The following ZC3H18 variants were observed in gnomAD, a reference collection of about 807,000 sequenced individuals.
The protein encoded by ZC3H18 is zinc finger CCCH-type containing 18, also known as zinc finger CCCH domain-containing protein 18.
In ZC3H18, 8 loss-of-function variants were observed where a neutral mutation model predicts 106.1. The ratio of observed to expected loss-of-function variants is 0.08; its 90% CI spans 0.04 to 0.14. The LOEUF is 0.14. ZC3H18 is among the 10% of genes least tolerant of loss of function. The probability of loss-of-function intolerance (pLI) is 1.00; values close to 1 mark genes in which losing one functional copy is unlikely to be tolerated. For synonymous variants in ZC3H18, 635 were observed against 522.1 expected (o/e 1.22, Z -2.95); for missense variants, 1,318 against 1,278.4 (o/e 1.03, Z -0.47).
chr16:88,601,459 G>A (rs1026373086), intron 6 of ZC3H18, among the ~76,000 whole-genome samples: 1 of 152,130 alleles, frequency 6.6e-6, no homozygotes, highest in Admixed American at 6.5e-5. Flanking sequence ...TCCCTGGCTG[G>A]AGCAGGGACC....
intron 3 of ZC3H18, among the ~76,000 whole-genome samples, chr16:88,591,276 C>G: frequency 6.7e-6 from 1 of 149,582 alleles, no homozygotes; most frequent in Non-Finnish European, 1.5e-5. Flanking sequence ...GGCCTTCTGT[C>G]TTTTTAAGAC....
intron 1 of ZC3H18, among the ~76,000 whole-genome samples, chr16:88,575,348 T>C (rs949212306): frequency 2.0e-5 from 3 of 152,038 alleles, no homozygotes; most frequent in African/African-American, 4.8e-5. Context: ...CGTAGTTATC[T>C]TGAGATGAAT....
intron 9 of ZC3H18, 182 bp downstream of exon 9, chr16:88,622,570 C>A: frequency 3.0e-6 from 2 of 667,620 alleles, no homozygotes; most frequent in Non-Finnish European, 4.9e-6. Context: ...GCATCAATGC[C>A]AAGTAGGACT....
At chr16:88,604,312 C>G (rs1444854642) in intron 6 of ZC3H18, among the ~76,000 whole-genome samples, 4 of 150,064 alleles carry the variant, frequency 2.7e-5, no homozygotes, top group Non-Finnish European at 4.4e-5. Flanking sequence ...GATCGTGCCA[C>G]TGCACTCCAG....
chr16:88,614,895 C>CCTG (rs1905484974), intron 8 of ZC3H18, among the ~76,000 whole-genome samples: 1 of 152,250 alleles, frequency 6.6e-6, no homozygotes, highest in Non-Finnish European at 1.5e-5. Context: ...TGCACACACC[C>CCTG]CCAGCCGCTC....
intron 5 of ZC3H18, among the ~76,000 whole-genome samples, chr16:88,599,376 C>T (rs894651162): frequency 6.6e-6 from 1 of 152,232 alleles, no homozygotes; most frequent in Non-Finnish European, 1.5e-5. Flanking sequence ...CACCCAGCCC[C>T]ACTTCCTCAT....
rs772821387 is a variant in ZC3H18 at position 88,577,176 on chromosome 16, A to G, written c.53A>G (p.Glu18Gly). The change falls in exon 2 of 18, where the codon GAG becomes GGG. Residue 18 changes from glutamate (E) to glycine (G), a missense_variant. Transcript: ENST00000301011. ...GATCCTCACTCTCCAGAGGATGAAGAGCAGCCACAGGGACTCTCGGACGAT... is the reference window on the plus strand; with the variant it reads ...GATCCTCACTCTCCAGAGGATGAAGGGCAGCCACAGGGACTCTCGGACGAT... ...ERDPHSPEDE[E>G]QPQGLSDDDI... 2 of 1,604,750 alleles carry G rather than the reference A, an allele frequency of 1.2e-6. No homozygotes were observed.
Position 88,577,429 on chromosome 16 carries a change from C to T in ZC3H18, c.306C>T (p.Asp102=), listed in dbSNP as rs1055524638. 21 of 1,606,210 alleles carry T rather than the reference C, an allele frequency of 1.3e-5. No homozygotes were observed. Among genetic ancestry groups the T allele is most frequent in the African/African-American group, 5.4e-5 (4 of 74,646 alleles). Reference sequence around the variant, plus strand: ...GCTCCCCCTGCGAGGAGGAGGGGGACGAAGGGGAGGAAGACCGGACAAGCG... The same window carrying T: ...GCTCCCCCTGCGAGGAGGAGGGGGATGAAGGGGAGGAAGACCGGACAAGCG... ...PTSSPCEEEG[D]EGEEDRTSDL... The change falls in exon 2 of 18, where the codon GAC becomes GAT. Residue 102 remains aspartate (D), a synonymous_variant. Coordinates refer to ENST00000301011, the MANE Select transcript of ZC3H18 (RefSeq NM_144604.4).
At chr16:88,630,951 T>C in intron 17 of ZC3H18, 150 bp from the exon 18 acceptor site, 1 of 969,752 alleles carries the variant, frequency 1.0e-6, no homozygotes, top group Admixed American at 2.2e-5. Context: ...CAGGCCTGCT[T>C]GTGGCAGTGG....
In ZC3H18 at chr16:88,608,979, G is replaced by A; in HGVS notation, c.1134G>A (p.Arg378=). The change falls in exon 7 of 18, where the codon CGG becomes CGA. Residue 378 remains arginine (R), a synonymous_variant. Coordinates refer to ENST00000301011, the MANE Select transcript of ZC3H18 (RefSeq NM_144604.4). ...CTTATTATGACTATGAAATTGAGCG[G>A]TTTTGGCGTGGCGGACAGTATGAGA... ...ADPYYDYEIE[R]FWRGGQYENF... is the part of the protein sequence containing the mutation. The A allele has an allele frequency of 6.2e-7, 1 of 1,613,976 alleles. No homozygotes were observed. Among genetic ancestry groups the A allele is most frequent in the Non-Finnish European group, 8.5e-7 (1 of 1,179,914 alleles).
intron 8 of ZC3H18, among the ~76,000 whole-genome samples, chr16:88,620,098 A>G (rs1242229028): frequency 6.6e-6 from 1 of 152,178 alleles, no homozygotes; most frequent in Non-Finnish European, 1.5e-5. Flanking sequence ...CCCATCCTGC[A>G]TTCTCAGCAG....
At chr16:88,619,553 CG>C (rs1905830961) in intron 8 of ZC3H18, among the ~76,000 whole-genome samples, 1 of 152,196 alleles carries the variant, frequency 6.6e-6, no homozygotes, top group African/African-American at 2.4e-5. Flanking sequence ...TTTTGAAATT[CG>C]GTATCATTGT....
chr16:88,611,312 C>T lies in ZC3H18; in HGVS notation c.1251C>T (p.Arg417=), dbSNP rs369086353. The T allele has an allele frequency of 1.8e-5, 13 of 738,090 alleles. No homozygotes were observed. The highest frequency in any genetic ancestry group is 7.8e-5 in the Admixed American group (4 of 51,522). 45.7% of individuals were successfully genotyped at this position (738,090 alleles called of 1,614,324 possible). ...AGAGAGAGAACAGACAGCGCGAGCG[C>T]GAGCGGGAGCGGGAGCGGGACCGAG... The part of the protein sequence containing the change: ...ERERENRQRE[R]ERERERDRER... Residue 417 remains arginine, a synonymous_variant, in exon 8 of 18, where the codon CGC becomes CGT. Transcript: ENST00000301011.
At chr16:88,593,205 C>T (rs1389574571) in intron 3 of ZC3H18, among the ~76,000 whole-genome samples, 1 of 152,194 alleles carries the variant, frequency 6.6e-6, no homozygotes, top group African/African-American at 2.4e-5. Flanking sequence ...CATTGGGCCC[C>T]CCTTGACCTC....
At chr16:88,577,770 A>T (rs1205603622) in intron 2 of ZC3H18, 44 bp downstream of exon 2, 2 of 1,611,742 alleles carry the variant, frequency 1.2e-6, no homozygotes. Context: ...CCTGCCCAGC[A>T]GCCTGACATA....
At chr16:88,625,125 G>A in intron 12 of ZC3H18, 77 bp from the exon 13 acceptor site, 3 of 1,512,638 alleles carry the variant, frequency 2.0e-6, no homozygotes, top group Non-Finnish European at 2.7e-6. Flanking sequence ...ACCTCACAGG[G>A]CTGCTGGTGG....
In ZC3H18 at chr16:88,577,379, A is replaced by G; in HGVS notation, c.256A>G (p.Asn86Asp). 1 of 1,597,210 alleles carries G rather than the reference A, an allele frequency of 6.3e-7. No homozygotes were observed. Among genetic ancestry groups the G allele is most frequent in the Non-Finnish European group, 8.5e-7 (1 of 1,169,874 alleles). Reference protein sequence around the residue: ...PKSQDQDSEVNELSRGPTSSP... With the variant: ...PKSQDQDSEVDELSRGPTSSP... The stretch of plus-strand genomic sequence containing the variant: ...ATCCCAAGACCAGGACTCAGAGGTG[A>G]ATGAGCTGAGCCGGGGCCCGACCAG... The change falls in exon 2 of 18, where the codon AAT (asparagine) becomes GAT (aspartate). Residue 86 changes from asparagine to aspartate, a missense_variant. By Grantham distance (23) the Asn-to-Asp change is conservative. Transcript: ENST00000301011.
At chr16:88,603,267 G>C (rs1455599505) in intron 6 of ZC3H18, among the ~76,000 whole-genome samples, 2 of 151,058 alleles carry the variant, frequency 1.3e-5, no homozygotes, top group African/African-American at 4.9e-5. Context: ...CACCTGGCCT[G>C]TTTTTTCTTT....
Position 88,570,463 on chromosome 16 carries a change from G to C in ZC3H18, c.-118G>C, listed in dbSNP as rs1015037586. The C allele has an allele frequency of 6.6e-6, 1 of 151,956 alleles. No individual in the cohort carries two copies. The highest frequency in any genetic ancestry group is 1.5e-5 in the Non-Finnish European group (1 of 67,990). 9.4% of individuals were successfully genotyped at this position (151,956 alleles called of 1,614,324 possible). On this transcript the variant is annotated 5_prime_UTR_variant, in exon 1 of 18. Transcript: ENST00000301011. ...AGCCCGTTTGTTCCGCCCGTGTCGA[G>C]CCTGGAGCCAGAACCTGTGAAGAGC...
Sources: gnomAD v4.1 joint callset for allele counts (sites outside exome capture counted in the v4.1 genomes callset) on GRCh38, gnomAD v4.1.1 for gene constraint, MANE v1.5 for transcripts, NCBI Gene and HGNC (gene_info 2026-07-23, HGNC 2026-07-21) for gene names.